Variants in KIAA0753 observed in about 807,000 individuals in gnomAD.
KIAA0753 encodes protein moonraker.
Under a neutral mutation model 116.9 loss-of-function variants are expected in KIAA0753, and 114 were observed. That is an observed-to-expected ratio of 0.98 (90% CI 0.84 to 1.14). The LOEUF (loss-of-function observed/expected upper bound fraction) is 1.14, where lower values mean the gene tolerates loss of function less well. Among genes scored for constraint, KIAA0753 ranks in the 50% most tolerant of loss-of-function variants. The pLI, the probability that KIAA0753 is intolerant of heterozygous loss-of-function variation, is 0.00. For missense variants in KIAA0753, 1,156 were observed against 1,172.4 expected (o/e 0.99, Z 0.20); for synonymous variants, 405 against 413.1 (o/e 0.98, Z 0.24).
intron 2 of KIAA0753, among the ~76,000 whole-genome samples, chr17:6,630,457 T>G (rs189290278): frequency 6.7e-6 from 1 of 150,280 alleles, no homozygotes; most frequent in East Asian, 1.9e-4. Flanking sequence ...ATTCATCACT[T>G]TTTTTTTTAA....
chr17:6,614,292 G>A (rs535296210), intron 7 of KIAA0753, among the ~76,000 whole-genome samples: 5 of 152,194 alleles, frequency 3.3e-5, no homozygotes, highest in Admixed American at 1.3e-4. Flanking sequence ...ACTCTCACAC[G>A]TGCACAGAGG....
chr17:6,584,544 T>C (rs970544354), intron 18 of KIAA0753, among the ~76,000 whole-genome samples: 3 of 152,182 alleles, frequency 2.0e-5, no homozygotes, highest in African/African-American at 7.2e-5. Flanking sequence ...AGGTACTGTA[T>C]CTGTTTTTCT....
At chr17:6,630,705 A>T (rs1971972439) in intron 2 of KIAA0753, among the ~76,000 whole-genome samples, 1 of 152,220 alleles carries the variant, frequency 6.6e-6, no homozygotes, top group South Asian at 2.1e-4. Flanking sequence ...CTGAGTAAAC[A>T]ATGGTCTATC....
At chr17:6,611,658 T>C (rs1970553880) in intron 8 of KIAA0753, among the ~76,000 whole-genome samples, 1 of 152,304 alleles carries the variant, frequency 6.6e-6, no homozygotes, top group South Asian at 2.1e-4. Flanking sequence ...AACTGAATTT[T>C]AAAATCTCCT....
Position 6,596,352 on chromosome 17 carries a change from T to C in KIAA0753, c.2173-9A>G. 8.3e-6 allele frequency: 9 copies of C among 1,078,774 alleles called. No individual in the cohort carries two copies. Among genetic ancestry groups the C allele is most frequent in the Non-Finnish European group, 1.1e-5 (9 of 800,798 alleles). The allele number at this position is 1,078,774 out of a possible 1,614,324, so 66.8% of individuals were successfully genotyped here. A position where few individuals can be genotyped will look rare whatever the true frequency, so the allele number is the denominator to read the frequency against. On this transcript the variant is annotated splice_polypyrimidine_tract_variant and intron_variant, in intron 14 of 18. Coordinates refer to ENST00000361413, the MANE Select transcript of KIAA0753 (RefSeq NM_014804.3). Reference sequence around the variant, plus strand: ...AAATCAACAGCTGCAACCTACAAGATGGGGTGGGGTGGGGAGGAGAGGCAT... The same window carrying C: ...AAATCAACAGCTGCAACCTACAAGACGGGGTGGGGTGGGGAGGAGAGGCAT...
chr17:6,595,142 A>C (rs1409198332), intron 15 of KIAA0753, 89 bp from the exon 16 acceptor site: 6 of 883,250 alleles, frequency 6.8e-6, no homozygotes, highest in Non-Finnish European at 1.1e-5. Context: ...AGTTCAGCAG[A>C]CACAACTGAT....
At chr17:6,628,836 C>A in intron 2 of KIAA0753, 95 bp from the exon 3 acceptor site, 1 of 1,275,032 alleles carries the variant, frequency 7.8e-7, no homozygotes. Flanking sequence ...ATTTTGCCAC[C>A]AGATCATTAG....
chr17:6,604,729 T>C (rs914242028), intron 12 of KIAA0753, among the ~76,000 whole-genome samples: 1 of 151,986 alleles, frequency 6.6e-6, no homozygotes, highest in Non-Finnish European at 1.5e-5. Context: ...ATACCAATGT[T>C]AATATCCTGG....
In KIAA0753 at chr17:6,589,837, G is replaced by C; in HGVS notation, c.2728C>G (p.Leu910Val). 6.2e-7 allele frequency: 1 copy of C among 1,614,046 alleles called. No individual in the cohort carries two copies. Among genetic ancestry groups the C allele is most frequent in the Non-Finnish European group, 8.5e-7 (1 of 1,179,954 alleles). The change falls in exon 18 of 19, where the codon CTT becomes GTT. Residue 910 changes from leucine (L) to valine (V), a missense_variant. Physicochemically the swap from Leu to Val is conservative, Grantham distance 32 (BLOSUM62 1). Coordinates refer to ENST00000361413, the MANE Select transcript of KIAA0753 (RefSeq NM_014804.3). Reference protein sequence around the residue: ...GDYCSRFEQYLRIISHEAVGS... With the variant: ...GDYCSRFEQYVRIISHEAVGS... ...ACAGCCTCATGAGATATGATCCGAAGGTACTGCTCAAAACGACTACAGTAG... is the reference window on the plus strand; with the variant it reads ...ACAGCCTCATGAGATATGATCCGAACGTACTGCTCAAAACGACTACAGTAG...
Position 6,624,746 on chromosome 17 carries a change from T to C in KIAA0753, c.825+9A>G. On this transcript the variant is annotated intron_variant, in intron 4 of 18. Transcript: ENST00000361413. ...CTGACTGCCCTACTTCTCCCTGAAC[T>C]TTTCACACCTGCTGCTGGAGGACGT... The C allele has an allele frequency of 1.3e-6, 2 of 1,550,446 alleles. No homozygotes were observed. The highest frequency in any genetic ancestry group is 4.8e-5 in the East Asian group (2 of 41,480).
At chr17:6,618,784 A>G (rs1055379954) in intron 7 of KIAA0753, among the ~76,000 whole-genome samples, 2 of 152,136 alleles carry the variant, frequency 1.3e-5, no homozygotes, top group Admixed American at 1.3e-4. Context: ...TGAGAAAAAA[A>G]GAAATAAAAT....
chr17:6,612,106 A>C lies in KIAA0753; in HGVS notation c.1358T>G (p.Leu453Trp). ...ATCTAATACATCAAGCTCACTCTGC[A>C]ACCTCTGGGTCTCCGGAAGCTCCGT... ...PDTELPETQRLQSELDVLDAD... is the reference protein window; with the variant it reads ...PDTELPETQRWQSELDVLDAD... Residue 453 changes from leucine to tryptophan, a missense_variant, in exon 8 of 19, where the codon TTG becomes TGG. Coordinates refer to ENST00000361413, the MANE Select transcript of KIAA0753 (RefSeq NM_014804.3). The C allele has an allele frequency of 6.2e-7, 1 of 1,614,182 alleles. No homozygotes were observed. The highest frequency in any genetic ancestry group is 8.5e-7 in the Non-Finnish European group (1 of 1,180,000).
intron 14 of KIAA0753, among the ~76,000 whole-genome samples, chr17:6,598,082 T>C (rs1207047429): frequency 6.6e-6 from 1 of 152,232 alleles, no homozygotes; most frequent in African/African-American, 2.4e-5. Context: ...AAAATAATTC[T>C]AATATACAAG....
intron 16 of KIAA0753, among the ~76,000 whole-genome samples, chr17:6,590,973 C>CGAA (rs1178286788): frequency 7.0e-5 from 9 of 127,734 alleles, no homozygotes; most frequent in South Asian, 2.6e-4. Context: ...CCTTTAAATG[C>CGAA]GAAGAAGAAG....
intron 16 of KIAA0753, among the ~76,000 whole-genome samples, chr17:6,591,049 A>AGAAGGAAGAAGGAAGAAGGAC (rs1555524031): frequency 3.4e-5 from 1 of 29,658 alleles, no homozygotes; most frequent in East Asian, 6.5e-4. Flanking sequence ...AGGAAGAAGA[A>AGAAGGAAGAAGGAAGAAGGAC]GAAGAAGAAG....
At chr17:6,620,400 T>G (rs1283199524) in intron 7 of KIAA0753, among the ~76,000 whole-genome samples, 1 of 148,432 alleles carries the variant, frequency 6.7e-6, no homozygotes, top group Non-Finnish European at 1.5e-5. Flanking sequence ...TAACAAAAAT[T>G]TATCTGAGGA....
intron 14 of KIAA0753, 39 bp downstream of exon 14, chr17:6,599,198 A>C: frequency 2.9e-6 from 4 of 1,391,068 alleles, no homozygotes; most frequent in Non-Finnish European, 3.1e-6. Context: ...GATGTTATCA[A>C]GCAATAATAC....
rs369191681 is a variant in KIAA0753 at position 6,612,009 on chromosome 17, G to T, written c.1455C>A (p.Ala485=). Reference sequence around the variant, plus strand: ...TTTTCCCTGCTTTTGTTTTTGCCACGGCTAACACCTCGTCTTTGAAGCTTG... The same window carrying T: ...TTTTCCCTGCTTTTGTTTTTGCCACTGCTAACACCTCGTCTTTGAAGCTTG... The part of the protein sequence containing the change: ...QSASFKDEVL[A]VAKTKAGKKK... Residue 485 remains alanine (A), a synonymous_variant, in exon 8 of 19, where the codon GCC becomes GCA. Coordinates refer to ENST00000361413, the MANE Select transcript of KIAA0753 (RefSeq NM_014804.3). 6.2e-7 allele frequency: 1 copy of T among 1,613,942 alleles called. No individual in the cohort carries two copies. Among genetic ancestry groups the T allele is most frequent in the Non-Finnish European group, 8.5e-7 (1 of 1,180,020 alleles).
intron 1 of KIAA0753, chr17:6,638,732 CGCTGTGGCTCA>C: frequency 6.5e-6 from 1 of 153,530 alleles, no homozygotes; most frequent in East Asian, 1.9e-4. Context: ...CCCAGGCCCC[CGCTGTGGCTCA>C]GCTCTTCTCC....
Sources: gnomAD v4.1 joint callset for allele counts (sites outside exome capture counted in the v4.1 genomes callset) on GRCh38, gnomAD v4.1.1 for gene constraint, MANE v1.5 for transcripts, NCBI Gene and HGNC (gene_info 2026-07-23, HGNC 2026-07-21) for gene names.